The following RAB30 variants were observed in gnomAD, a reference collection of about 807,000 sequenced individuals.
RAB30 encodes ras-related protein Rab-30.
Under a neutral mutation model 25.1 loss-of-function variants are expected in RAB30, and 9 were observed. The observed-to-expected ratio is 0.36, with a 90% CI of 0.22 to 0.63. The LOEUF (loss-of-function observed/expected upper bound fraction) is 0.63, where lower values mean the gene tolerates loss of function less well. RAB30 is among the 20% of genes least tolerant of loss of function. RAB30 has a pLI of 0.69. For missense variants in RAB30, 140 were observed against 243.5 expected (o/e 0.58, Z 2.83); for synonymous variants, 77 against 86.4 (o/e 0.89, Z 0.60).
At chr11:83,009,043 A>G (rs1001528511) in intron 1 of RAB30, among the ~76,000 whole-genome samples, 3 of 150,974 alleles carry the variant, frequency 2.0e-5, no homozygotes, top group African/African-American at 7.3e-5. Flanking sequence ...TTCAACAAGT[A>G]TTTATTAAAG....
intron 1 of RAB30, among the ~76,000 whole-genome samples, chr11:83,054,089 GTAAA>G (rs144019983): frequency 1.3e-5 from 2 of 151,976 alleles, no homozygotes; most frequent in Non-Finnish European, 2.9e-5. Context: ...GGGAGACTCT[GTAAA>G]TAAATAAATA....
chr11:83,044,916 T>A (rs192747978), intron 1 of RAB30, among the ~76,000 whole-genome samples: 35 of 152,316 alleles, frequency 2.3e-4, no homozygotes, highest in African/African-American at 6.3e-4. Flanking sequence ...ACAAACTTCA[T>A]CAGATTCAGA....
chr11:83,035,384 G>A (rs1857965668), intron 1 of RAB30: 1 of 152,152 alleles, frequency 6.6e-6, no homozygotes, highest in Non-Finnish European at 1.5e-5. Context: ...TGGCTCTGGG[G>A]AAGGTGATAG....
At chr11:83,037,882 CACTT>C (rs769156994) in intron 1 of RAB30, among the ~76,000 whole-genome samples, 1 of 152,020 alleles carries the variant, frequency 6.6e-6, no homozygotes, top group Non-Finnish European at 1.5e-5. Flanking sequence ...ACAGGGGTTC[CACTT>C]ACTTCATGTG....
intron 1 of RAB30, among the ~76,000 whole-genome samples, chr11:83,058,097 A>G (rs147037884): frequency 8.9e-4 from 136 of 152,334 alleles, no homozygotes; most frequent in African/African-American, 3.2e-3. Context: ...AAAAGCTTCA[A>G]GAAAACTACT....
chr11:82,985,111 T>C (rs1336628892), intron 4 of RAB30, among the ~76,000 whole-genome samples: 1 of 152,152 alleles, frequency 6.6e-6, no homozygotes, highest in Non-Finnish European at 1.5e-5. Context: ...CCGCTGGGAT[T>C]ACAGGCATGC....
intron 1 of RAB30, among the ~76,000 whole-genome samples, chr11:83,060,981 C>T (rs1163499881): frequency 6.6e-6 from 1 of 152,194 alleles, no homozygotes; most frequent in African/African-American, 2.4e-5. Flanking sequence ...ACAACAACTC[C>T]AGGCTACCTG....
rs1220995965 is a variant in RAB30, at chr11:82,975,785, A to G, written c.*6380T>C. The G allele has an allele frequency of 6.6e-6, 1 of 152,166 alleles. No homozygotes were observed. The highest frequency in any genetic ancestry group is 1.5e-5 in the Non-Finnish European group (1 of 68,016). The allele number at this position is 152,166 out of a possible 1,614,324, so 9.4% of individuals were successfully genotyped here. A position where few individuals can be genotyped will look rare whatever the true frequency, so the allele number is the denominator to read the frequency against. ...AAGAAGCTAAGAGTAATAAATACCT[A>G]TCCTGACATTCACTAAGTAAATAAT... On this transcript the variant is annotated 3_prime_UTR_variant, in exon 5 of 5. Coordinates refer to ENST00000527633, the MANE Select transcript of RAB30 (RefSeq NM_001286060.2).
At chr11:82,986,028 A>G (rs960713950) in intron 4 of RAB30, among the ~76,000 whole-genome samples, 1 of 152,196 alleles carries the variant, frequency 6.6e-6, no homozygotes, top group Non-Finnish European at 1.5e-5. Context: ...CAAACGAAAA[A>G]AAATCATGAG....
Position 82,989,386 on chromosome 11 carries a change from T to C in RAB30, c.178-1616A>G, listed in dbSNP as rs375709503. Among the ~76,000 whole-genome samples, 9 of 152,334 alleles carry C rather than the reference T, an allele frequency of 5.9e-5. No individual in the cohort carries two copies. In the East Asian group the frequency reaches 1.5e-3, roughly 26 times the overall value. The stretch of plus-strand genomic sequence containing the variant: ...AGTGACCCGTAGTCCCTGCCATGAA[T>C]CAGCAGCACACAAAGGCTCTCCTTT... On this transcript the variant is annotated intron_variant, in intron 3 of 4. Transcript: ENST00000527633.
intron 1 of RAB30, among the ~76,000 whole-genome samples, chr11:83,001,867 C>A (rs919044360): frequency 1.3e-5 from 2 of 152,144 alleles, no homozygotes; most frequent in Non-Finnish European, 2.9e-5. Context: ...ATTTTATATT[C>A]TATTATTGTT....
At chr11:83,038,337 GGT>G (rs1408400708) in intron 1 of RAB30, among the ~76,000 whole-genome samples, 8 of 152,178 alleles carry the variant, frequency 5.3e-5, no homozygotes, top group African/African-American at 1.2e-4. Flanking sequence ...AAGGCTTTTT[GGT>G]GTAGGTGAAA....
In RAB30 at chr11:82,979,948, A is replaced by G. The variant is rs1856611014; in HGVS notation, c.*2217T>C. On this transcript the variant is annotated 3_prime_UTR_variant, in exon 5 of 5. Transcript: ENST00000527633. Reference sequence around the variant, plus strand: ...CTAAAAGGTATTATTTTGCAACTAAATCAGTCCAATCTAACACAGCCATTT... The same window carrying G: ...CTAAAAGGTATTATTTTGCAACTAAGTCAGTCCAATCTAACACAGCCATTT... 6.6e-6 allele frequency: 1 copy of G among 152,184 alleles called. No individual in the cohort carries two copies. The highest frequency in any genetic ancestry group is 1.5e-5 in the Non-Finnish European group (1 of 68,026). The allele number at this position is 152,184 out of a possible 1,614,324, so 9.4% of individuals were successfully genotyped here. A position where few individuals can be genotyped will look rare whatever the true frequency, so the allele number is the denominator to read the frequency against.
intron 1 of RAB30, among the ~76,000 whole-genome samples, chr11:83,019,061 C>T (rs113344414): frequency 0.017 from 2,641 of 152,308 alleles, 67 homozygotes; most frequent in African/African-American, 0.054. Flanking sequence ...GAGTCTCACT[C>T]CGTCACCCAG....
chr11:83,037,258 T>C (rs1282187904), intron 1 of RAB30, among the ~76,000 whole-genome samples: 1 of 150,452 alleles, frequency 6.6e-6, no homozygotes, highest in Non-Finnish European at 1.5e-5. Flanking sequence ...GACAAACGAA[T>C]TTTTTTTTTG....
At chr11:83,046,758 G>A (rs1322798790) in intron 1 of RAB30, among the ~76,000 whole-genome samples, 2 of 152,188 alleles carry the variant, frequency 1.3e-5, no homozygotes, top group Non-Finnish European at 2.9e-5. Flanking sequence ...GCCTGCCAAA[G>A]TGCTGGGATT....
rs1856543290 is a variant in RAB30 at position 82,976,190 on chromosome 11, GAAA to G, written c.*5972_*5974del. On this transcript the variant is annotated 3_prime_UTR_variant, in exon 5 of 5. Coordinates refer to ENST00000527633, the MANE Select transcript of RAB30 (RefSeq NM_001286060.2). ...ATGGAGTTCTTTTCTTTGAAGCCAG[GAAA>G]GTTTCTTTGTTTTGTCTCTTAAGGA... 1 of 150,532 alleles carries G rather than the reference GAAA, an allele frequency of 6.6e-6. No individual in the cohort carries two copies. The highest frequency in any genetic ancestry group is 6.6e-5 in the Admixed American group (1 of 15,142). 9.3% of individuals were successfully genotyped at this position (150,532 alleles called of 1,614,324 possible). A position where few individuals can be genotyped will look rare whatever the true frequency, so the allele number is the denominator to read the frequency against.
At chr11:83,018,558 ATTTG>A (rs1212009459) in intron 1 of RAB30, among the ~76,000 whole-genome samples, 1 of 151,638 alleles carries the variant, frequency 6.6e-6, no homozygotes, top group African/African-American at 2.4e-5. Context: ...TTTCTTGCTG[ATTTG>A]TTTGAGTTCC....
chr11:83,036,115 T>C (rs1285634479), intron 1 of RAB30, among the ~76,000 whole-genome samples: 2 of 151,570 alleles, frequency 1.3e-5, no homozygotes, highest in African/African-American at 4.9e-5. Context: ...CCCAGAAAGA[T>C]AGCATAATTT....
Sources: gnomAD v4.1 joint callset for allele counts (sites outside exome capture counted in the v4.1 genomes callset) on GRCh38, gnomAD v4.1.1 for gene constraint, MANE v1.5 for transcripts, NCBI Gene and HGNC (gene_info 2026-07-23, HGNC 2026-07-21) for gene names.